The following SGCZ variants were observed in gnomAD, a reference collection of about 807,000 sequenced individuals.
The protein encoded by SGCZ is sarcoglycan zeta, also known as zeta-sarcoglycan.
SGCZ carries 40 observed loss-of-function variants against 41.3 expected under a neutral mutation model. The ratio of observed to expected loss-of-function variants is 0.97; its 90% confidence interval spans 0.75 to 1.26. The LOEUF is 1.26. Among genes scored for constraint, SGCZ ranks in the 50% most tolerant of loss-of-function variants. SGCZ has a pLI of 0.00. For synonymous variants in SGCZ, 206 were observed against 137.5 expected (o/e 1.50, Z -3.49); for missense variants, 552 against 369.8 (o/e 1.49, Z -4.04).
At chr8:14,335,462 T>C (rs1160858861) in intron 2 of SGCZ, among the ~76,000 whole-genome samples, 2 of 152,126 alleles carry the variant, frequency 1.3e-5, no homozygotes, top group African/African-American at 4.8e-5. Context: ...ATGCTGGTAA[T>C]CACCCATTTG....
intron 2 of SGCZ, among the ~76,000 whole-genome samples, chr8:14,443,011 C>T (rs1184817869): frequency 6.6e-6 from 1 of 152,054 alleles, no homozygotes; most frequent in Non-Finnish European, 1.5e-5. Context: ...TCTTATAAAC[C>T]AATAACAGCC....
intron 1 of SGCZ, among the ~76,000 whole-genome samples, chr8:14,584,613 T>C (rs1805001280): frequency 6.6e-6 from 1 of 152,062 alleles, no homozygotes; most frequent in Admixed American, 6.6e-5. Flanking sequence ...AGCAAAGATG[T>C]CAAAAGTTAA....
Position 14,478,613 on chromosome 8 carries a change from G to C in SGCZ, c.234+76119C>G, listed in dbSNP as rs564951870. On this transcript the variant is annotated intron_variant, in intron 2 of 7. Transcript: ENST00000382080. ...GTAAAAGACTGTAACTATGGATATTGTGTTCAGATTTTTTAAAAAATGAAA... is the reference window on the plus strand; with the variant it reads ...GTAAAAGACTGTAACTATGGATATTCTGTTCAGATTTTTTAAAAAATGAAA... 5.9e-5 allele frequency among the ~76,000 whole-genome samples: 9 copies of C among 152,232 alleles called. No individual in the cohort carries two copies. The East Asian group carries it at 1.7e-3, about 29-fold the overall frequency.
intron 1 of SGCZ, among the ~76,000 whole-genome samples, chr8:14,923,224 T>C (rs962259965): frequency 2.6e-5 from 4 of 152,222 alleles, no homozygotes; most frequent in African/African-American, 9.6e-5. Flanking sequence ...TAGAAGACAT[T>C]GGCCAGTGTA....
intron 4 of SGCZ, among the ~76,000 whole-genome samples, chr8:14,226,964 T>A (rs1342366941): frequency 6.6e-6 from 1 of 152,104 alleles, no homozygotes; most frequent in East Asian, 1.9e-4. Context: ...TAATGTGTAA[T>A]ATTGAAGGCT....
chr8:14,339,105 T>C (rs1189726499), intron 2 of SGCZ, among the ~76,000 whole-genome samples: 3 of 152,240 alleles, frequency 2.0e-5, no homozygotes, highest in Non-Finnish European at 4.4e-5. Context: ...ATGTTTTTTT[T>C]TCTCCAGAGT....
intron 1 of SGCZ, among the ~76,000 whole-genome samples, chr8:14,968,169 C>G (rs971637116): frequency 5.3e-5 from 8 of 152,094 alleles, no homozygotes; most frequent in African/African-American, 1.4e-4. Context: ...ATCAGAATCC[C>G]CCTTCCATAT....
chr8:14,193,318 T>TA lies in SGCZ; in HGVS notation c.425-28617dup, dbSNP rs895654334. On this transcript the variant is annotated intron_variant, in intron 4 of 7. Transcript: ENST00000382080. The stretch of plus-strand genomic sequence containing the variant: ...CAAATCATCATCTCCCTCTTTCCTA[T>TA]AAAAAATGCAGCATGCTATTTTTTT... 3.1e-4 allele frequency among the ~76,000 whole-genome samples: 37 copies of TA among 117,814 alleles called. 2 individuals are homozygous for TA. Among genetic ancestry groups the TA allele is most frequent in the African/African-American group, 1.2e-3 (37 of 30,946 alleles). 77.3% of individuals were successfully genotyped at this position (117,814 alleles called of 152,430 possible).
At chr8:14,354,421 G>C (rs1228492193) in intron 2 of SGCZ, among the ~76,000 whole-genome samples, 2 of 151,878 alleles carry the variant, frequency 1.3e-5, no homozygotes, top group African/African-American at 2.4e-5. Context: ...AATATAGTAA[G>C]ATATTTTCTA....
chr8:14,886,277 G>C (rs1323734861), intron 1 of SGCZ, among the ~76,000 whole-genome samples: 3 of 151,754 alleles, frequency 2.0e-5, no homozygotes, highest in African/African-American at 4.8e-5. Flanking sequence ...CTGAGAGATA[G>C]CATAGAATAA....
chr8:14,756,494 A>C (rs998816704), intron 1 of SGCZ, among the ~76,000 whole-genome samples: 1 of 152,026 alleles, frequency 6.6e-6, no homozygotes, highest in Non-Finnish European at 1.5e-5. Context: ...GGGAAGTAAC[A>C]ATTTTTGTTT....
intron 1 of SGCZ, among the ~76,000 whole-genome samples, chr8:14,658,389 G>A (rs186570440): frequency 6.6e-6 from 1 of 152,214 alleles, no homozygotes; most frequent in Non-Finnish European, 1.5e-5. Flanking sequence ...CAAACAGAGT[G>A]GTCCTGTAAA....
intron 1 of SGCZ, among the ~76,000 whole-genome samples, chr8:14,663,882 G>A (rs1807829033): frequency 6.6e-6 from 1 of 152,090 alleles, no homozygotes; most frequent in African/African-American, 2.4e-5. Flanking sequence ...TCCCTAGCTT[G>A]AAGGATAAAA....
chr8:15,090,751 T>C (rs770555444), intron 1 of SGCZ, among the ~76,000 whole-genome samples: 5 of 152,164 alleles, frequency 3.3e-5, no homozygotes, highest in Non-Finnish European at 7.3e-5. Flanking sequence ...ACACCTAGTT[T>C]GGGACTAATC....
intron 1 of SGCZ, among the ~76,000 whole-genome samples, chr8:14,889,134 A>G (rs1205625770): frequency 6.6e-6 from 1 of 152,138 alleles, no homozygotes; most frequent in Non-Finnish European, 1.5e-5. Flanking sequence ...AGTTTAAACC[A>G]TTTAATTTCC....
intron 1 of SGCZ, among the ~76,000 whole-genome samples, chr8:14,703,653 T>C (rs2117606096): frequency 6.6e-6 from 1 of 152,154 alleles, no homozygotes; most frequent in South Asian, 2.1e-4. Context: ...TACATTCTTG[T>C]ATATTTCTAA....
rs996065360 is a variant in SGCZ at position 14,968,047 on chromosome 8, C to A, written c.39+269538G>T. Among the ~76,000 whole-genome samples the A allele has an allele frequency of 5.9e-5, 9 of 152,082 alleles. No homozygotes were observed. In the East Asian group the frequency reaches 9.6e-4, roughly 16 times the overall value. On this transcript the variant is annotated intron_variant, in intron 1 of 7. Coordinates refer to ENST00000382080, the MANE Select transcript of SGCZ (RefSeq NM_139167.4). ...TTTAATCCAACTAGAATTTATTGAGCCCAATCTGGACAAAGCTATATAATA... is the reference window on the plus strand; with the variant it reads ...TTTAATCCAACTAGAATTTATTGAGACCAATCTGGACAAAGCTATATAATA...
At chr8:14,448,118 G>C (rs10105771) in intron 2 of SGCZ, among the ~76,000 whole-genome samples, 5,034 of 151,526 alleles carry the variant, frequency 0.033, 116 homozygotes, top group East Asian at 0.073. Context: ...TAGGAGACAG[G>C]AGATGGAATG....
Position 14,645,918 on chromosome 8 carries a change from C to T in SGCZ, c.40-90992G>A, listed in dbSNP as rs1413228030. 6.9e-5 allele frequency among the ~76,000 whole-genome samples: 10 copies of T among 144,888 alleles called. No individual in the cohort carries two copies. In the East Asian group the frequency reaches 2.3e-3, roughly 34 times the overall value. ...AATGTACCTCATGATATTTTAATTA[C>T]CTTGCTTTCTTCAACCTGTTCTCTT... On this transcript the variant is annotated intron_variant, in intron 1 of 7. Transcript: ENST00000382080.
Sources: allele counts gnomAD v4.1 joint callset (sites outside exome capture counted in the v4.1 genomes callset), GRCh38; gene constraint gnomAD v4.1.1; transcripts MANE v1.5; gene names NCBI Gene and HGNC (gene_info 2026-07-23, HGNC 2026-07-21).